HIPK2: variants seen among roughly 807,000 people sequenced by gnomAD.
HIPK2 encodes the protein homeodomain interacting protein kinase 2, also known as homeodomain-interacting protein kinase 2.
A neutral mutation model predicts 113.7 loss-of-function variants in HIPK2; 27 were observed. That is an observed-to-expected ratio of 0.24 (90% CI 0.17 to 0.33). HIPK2 has a LOEUF of 0.33. Ranked by LOEUF, HIPK2 falls within the 10% of genes least tolerant of loss-of-function variation. The pLI is 1.00. For missense variants in HIPK2, 1,257 were observed against 1,588.0 expected (o/e 0.79, Z 3.54); for synonymous variants, 631 against 642.2 (o/e 0.98, Z 0.26).
At position 139,630,898 on chromosome 7, in the gene HIPK2, C is replaced by T. The variant is rs1393633679; in HGVS notation, c.1347+267G>A. Reference sequence around the variant, plus strand: ...AGGGCAGAGTGGGGTTCGTTTCTCTCCCTAGCACAAATCAGACAGTCATCA... The same window carrying T: ...AGGGCAGAGTGGGGTTCGTTTCTCTTCCTAGCACAAATCAGACAGTCATCA... On this transcript the variant is annotated intron_variant, in intron 4 of 14. Transcript: ENST00000406875. This position sits in a 1 kb window ranked among gnomAD's most constrained non-coding sequence, Gnocchi z 4.0. Among the ~76,000 whole-genome samples, 2 of 152,224 alleles carry T rather than the reference C, an allele frequency of 1.3e-5. No individual in the cohort carries two copies. The highest frequency in any genetic ancestry group is 2.9e-5 in the Non-Finnish European group (2 of 68,038).
At chr7:139,575,515 A>C (rs1798461723) in intron 13 of HIPK2, among the ~76,000 whole-genome samples, 1 of 152,146 alleles carries the variant, frequency 6.6e-6, no homozygotes, top group South Asian at 2.1e-4. Context: ...GGGCTGCATG[A>C]GGGAATGAAG....
chr7:139,773,549 G>A (rs1024622979), intron 1 of HIPK2, among the ~76,000 whole-genome samples: 3 of 152,180 alleles, frequency 2.0e-5, no homozygotes, highest in Non-Finnish European at 2.9e-5. Context: ...ACACCCTCTT[G>A]ATCATCACTA....
intron 1 of HIPK2, among the ~76,000 whole-genome samples, chr7:139,757,624 G>A (rs1470276291): frequency 6.6e-6 from 1 of 152,108 alleles, no homozygotes. Context: ...AAAAGACCAT[G>A]TATTGCATGA....
chr7:139,572,910 T>A lies in HIPK2; in HGVS notation c.*17A>T. 9.2e-5 allele frequency: 20 copies of A among 217,078 alleles called. No individual in the cohort carries two copies. Among genetic ancestry groups the A allele is most frequent in the Non-Finnish European group, 1.6e-4 (18 of 112,348 alleles). The allele number at this position is 217,078 out of a possible 1,614,324, so 13.4% of individuals were successfully genotyped here. ...GCCATTCTCTCCCTCCCTCCCTCCC[T>A]CCCTCCCCTCCAGTGTTTATATGTA... On this transcript the variant is annotated 3_prime_UTR_variant, in exon 15 of 15. Coordinates refer to ENST00000406875, the MANE Select transcript of HIPK2 (RefSeq NM_022740.5).
chr7:139,700,711 T>C (rs1201127346), intron 2 of HIPK2, among the ~76,000 whole-genome samples: 1 of 152,226 alleles, frequency 6.6e-6, no homozygotes, highest in Non-Finnish European at 1.5e-5. Context: ...GGACTGAGTC[T>C]CGCAGGCAGC....
chr7:139,666,917 T>C (rs1802067597), intron 2 of HIPK2, among the ~76,000 whole-genome samples: 1 of 151,938 alleles, frequency 6.6e-6, no homozygotes, highest in African/African-American at 2.4e-5. Flanking sequence ...AAAAATTAGC[T>C]GGGTGTAGTG....
chr7:139,639,746 G>A (rs997720966), intron 2 of HIPK2, among the ~76,000 whole-genome samples: 2 of 152,180 alleles, frequency 1.3e-5, no homozygotes, highest in Admixed American at 1.3e-4. Flanking sequence ...GGGCATGTAG[G>A]TGCTCCATAC....
chr7:139,670,139 C>T (rs554028522), intron 2 of HIPK2, among the ~76,000 whole-genome samples: 4 of 152,080 alleles, frequency 2.6e-5, no homozygotes, highest in Non-Finnish European at 5.9e-5. Context: ...TTTTGAGAGG[C>T]GGGCCTGAGA....
At chr7:139,584,206 G>A in intron 12 of HIPK2, 142 bp from the exon 13 acceptor site, 2 of 1,138,500 alleles carry the variant, frequency 1.8e-6, no homozygotes, top group Non-Finnish European at 2.5e-6. Flanking sequence ...AACCCCCATA[G>A]GGAGACTGGG....
chr7:139,580,770 G>A (rs1159248170), intron 13 of HIPK2, among the ~76,000 whole-genome samples: 2 of 152,228 alleles, frequency 1.3e-5, no homozygotes, highest in Non-Finnish European at 2.9e-5. Context: ...TCCATGTAGG[G>A]CTGTGATGAG....
intron 1 of HIPK2, among the ~76,000 whole-genome samples, chr7:139,738,745 A>C (rs918634235): frequency 6.6e-6 from 1 of 152,152 alleles, no homozygotes; most frequent in Non-Finnish European, 1.5e-5. Context: ...TCTTTGTACT[A>C]TTTTTATTTT....
intron 11 of HIPK2, among the ~76,000 whole-genome samples, chr7:139,597,362 G>C (rs1438714580): frequency 6.6e-6 from 1 of 152,218 alleles, no homozygotes; most frequent in Non-Finnish European, 1.5e-5. Context: ...CAGGGTCAAG[G>C]CCCTACTTCT....
At chr7:139,629,125 G>C in intron 4 of HIPK2, 86 bp from the exon 5 acceptor site, 1 of 1,069,470 alleles carries the variant, frequency 9.4e-7, no homozygotes. Context: ...GTGTCTCACA[G>C]AGGGTCTCTT....
chr7:139,708,810 G>A (rs28972630), intron 2 of HIPK2, among the ~76,000 whole-genome samples: 13,369 of 152,198 alleles, frequency 0.088, 956 homozygotes, highest in Admixed American at 0.2. Flanking sequence ...ATGGAGGGCT[G>A]AGTGTCAGCT....
At chr7:139,614,609 C>CAAAA (rs1394865081) in intron 7 of HIPK2, 116 bp from the exon 8 acceptor site, 1 of 733,906 alleles carries the variant, frequency 1.4e-6, no homozygotes, top group Non-Finnish European at 1.9e-6. Flanking sequence ...AACAAACAAA[C>CAAAA]AAAAACTAAG....
intron 2 of HIPK2, among the ~76,000 whole-genome samples, chr7:139,645,570 T>C (rs1348387764): frequency 6.6e-6 from 1 of 152,064 alleles, no homozygotes; most frequent in Non-Finnish European, 1.5e-5. Flanking sequence ...TAAGCAACTT[T>C]CCAAATAAAG....
intron 14 of HIPK2, 78 bp downstream of exon 14, chr7:139,575,050 C>T: frequency 6.7e-7 from 1 of 1,482,426 alleles, no homozygotes. Flanking sequence ...GAGGGGCCGC[C>T]ACAGCAATCC....
chr7:139,756,613 T>C (rs1226376873), intron 1 of HIPK2, among the ~76,000 whole-genome samples: 1 of 152,162 alleles, frequency 6.6e-6, no homozygotes, highest in East Asian at 1.9e-4. Context: ...TTAGTAGAGA[T>C]GGGGTTTCAC....
intron 10 of HIPK2, 88 bp from the exon 11 acceptor site, chr7:139,600,684 C>A (rs973500782): frequency 2.1e-6 from 3 of 1,436,728 alleles, no homozygotes; most frequent in Admixed American, 1.9e-5. Context: ...CCCAATTAAA[C>A]GCTGACTGCA....
Sources: gnomAD v4.1 joint callset for allele counts (sites outside exome capture counted in the v4.1 genomes callset) on GRCh38, gnomAD v4.1.1 for gene constraint, Gnocchi (gnomAD v3.1) non-coding constraint, MANE v1.5 for transcripts, NCBI Gene and HGNC (gene_info 2026-07-23, HGNC 2026-07-21) for gene names.